The following UNC5D variants were observed in gnomAD, a reference collection of about 807,000 sequenced individuals.
UNC5D encodes the protein netrin receptor UNC5D.
A neutral mutation model predicts 105.4 loss-of-function variants in UNC5D; 39 were observed. The observed-to-expected ratio is 0.37, with a 90% CI of 0.29 to 0.48. The LOEUF is 0.48. Among genes scored for constraint, UNC5D ranks in the 20% least tolerant of loss-of-function variants. The probability of loss-of-function intolerance (pLI) is 0.98; values close to 1 mark genes in which losing one functional copy is unlikely to be tolerated. For missense variants in UNC5D, 991 were observed against 1,202.4 expected, an observed-to-expected ratio of 0.82 and a Z score of 2.60; for synonymous variants, 452 against 450.4, an observed-to-expected ratio of 1.00 and a Z score of -0.04.
intron 4 of UNC5D, among the ~76,000 whole-genome samples, chr8:35,648,393 C>T (rs1823187798): frequency 6.6e-6 from 1 of 151,968 alleles, no homozygotes; most frequent in African/African-American, 2.4e-5. Context: ...AAAGCATTAT[C>T]TCTGGCAGTA....
intron 1 of UNC5D, among the ~76,000 whole-genome samples, chr8:35,487,671 A>G (rs548485310): frequency 6.6e-6 from 1 of 152,242 alleles, no homozygotes; most frequent in South Asian, 2.1e-4. Flanking sequence ...CAATGCTGCT[A>G]TAACAAATAC....
intron 1 of UNC5D, among the ~76,000 whole-genome samples, chr8:35,380,700 G>C (rs1268817983): frequency 6.6e-6 from 1 of 152,112 alleles, no homozygotes; most frequent in Non-Finnish European, 1.5e-5. Context: ...GAATTTAGAT[G>C]ATAGAGGGTG....
intron 1 of UNC5D, among the ~76,000 whole-genome samples, chr8:35,548,807 G>A (rs1815888273): frequency 6.6e-6 from 1 of 152,208 alleles, no homozygotes; most frequent in Admixed American, 6.5e-5. Context: ...GGTAAAGAAA[G>A]CAGACCATTT....
intron 1 of UNC5D, chr8:35,525,421 G>C: frequency 6.2e-7 from 1 of 1,612,192 alleles, no homozygotes; most frequent in Non-Finnish European, 8.5e-7. Flanking sequence ...TGGAAGAGCT[G>C]CTGGCCCTCT....
chr8:35,252,311 A>G (rs1201247499), intron 1 of UNC5D, among the ~76,000 whole-genome samples: 1 of 152,116 alleles, frequency 6.6e-6, no homozygotes, highest in Non-Finnish European at 1.5e-5. Flanking sequence ...ACTTACCACT[A>G]TACTTAGAAG....
chr8:35,684,629 C>T lies in UNC5D; in HGVS notation c.799C>T (p.Arg267Cys), dbSNP rs749642014. The T allele has an allele frequency of 3.2e-5, 51 of 1,613,498 alleles. No homozygotes were observed. The highest frequency in any genetic ancestry group is 4.2e-5 in the Non-Finnish European group (50 of 1,179,940). The change falls in exon 6 of 17, where the codon CGC becomes TGC. Residue 267 changes from arginine (R) to cysteine (C), a missense_variant. Transcript: ENST00000404895. ...SWTEWSACNV[R>C]CGRGWQKRSR... Reference sequence around the variant, plus strand: ...GACAGAGTGGTCAGCCTGCAATGTTCGCTGTGGTAGAGGATGGCAGAAACG... The same window carrying T: ...GACAGAGTGGTCAGCCTGCAATGTTTGCTGTGGTAGAGGATGGCAGAAACG...
At chr8:35,467,948 A>C (rs1036505669) in intron 1 of UNC5D, among the ~76,000 whole-genome samples, 7 of 152,238 alleles carry the variant, frequency 4.6e-5, no homozygotes, top group African/African-American at 9.6e-5. Flanking sequence ...CTGTGATCTT[A>C]TCAAAAGGAT....
At chr8:35,612,483 G>A (rs1820745701) in intron 4 of UNC5D, among the ~76,000 whole-genome samples, 1 of 152,054 alleles carries the variant, frequency 6.6e-6, no homozygotes, top group African/African-American at 2.4e-5. Context: ...TGGAAATGAA[G>A]GCTTTTGAGA....
chr8:35,462,419 T>G (rs1808968457), intron 1 of UNC5D, among the ~76,000 whole-genome samples: 1 of 152,160 alleles, frequency 6.6e-6, no homozygotes, highest in South Asian at 2.1e-4. Context: ...CAATATTATT[T>G]AAGAATTTAG....
chr8:35,467,011 G>T (rs947814576), intron 1 of UNC5D, among the ~76,000 whole-genome samples: 1 of 152,138 alleles, frequency 6.6e-6, no homozygotes, highest in Admixed American at 6.6e-5. Flanking sequence ...TAAAGTCTAG[G>T]ATGCTGTCTC....
At chr8:35,775,748 A>G (rs2131745855) in intron 16 of UNC5D, among the ~76,000 whole-genome samples, 1 of 152,130 alleles carries the variant, frequency 6.6e-6, no homozygotes, top group South Asian at 2.1e-4. Context: ...CCAAGAAGGG[A>G]TGGAGTGCTG....
intron 4 of UNC5D, among the ~76,000 whole-genome samples, chr8:35,630,652 AC>A (rs1430257355): frequency 6.6e-6 from 1 of 152,226 alleles, no homozygotes; most frequent in African/African-American, 2.4e-5. Flanking sequence ...TTAGGGCCGT[AC>A]ATACCCTCCA....
At chr8:35,643,058 T>A (rs1822846376) in intron 4 of UNC5D, among the ~76,000 whole-genome samples, 1 of 152,124 alleles carries the variant, frequency 6.6e-6, no homozygotes, top group African/African-American at 2.4e-5. Context: ...ATAGGAGAAG[T>A]GAGAGTTACT....
intron 1 of UNC5D, among the ~76,000 whole-genome samples, chr8:35,293,803 G>T (rs1251867728): frequency 2.6e-5 from 4 of 152,124 alleles, no homozygotes; most frequent in African/African-American, 9.7e-5. Flanking sequence ...CTCAATTGGG[G>T]CTCTCCCAAT....
intron 4 of UNC5D, among the ~76,000 whole-genome samples, chr8:35,657,078 GTGTATATA>G (rs1473924306): frequency 1.9e-3 from 156 of 80,524 alleles, no homozygotes; most frequent in African/African-American, 3.6e-3. Flanking sequence ...GTGTGTGTGT[GTGTATATA>G]TATATATATA....
At chr8:35,487,414 T>C (rs1260726630) in intron 1 of UNC5D, among the ~76,000 whole-genome samples, 2 of 152,140 alleles carry the variant, frequency 1.3e-5, no homozygotes, top group Non-Finnish European at 2.9e-5. Context: ...CAAGCAGGAA[T>C]TCTGCCAGCT....
chr8:35,561,512 C>T (rs1022961985), intron 2 of UNC5D, among the ~76,000 whole-genome samples: 1 of 151,322 alleles, frequency 6.6e-6, no homozygotes, highest in African/African-American at 2.5e-5. Flanking sequence ...TCTTAAAATA[C>T]TTTATTGAAA....
At chr8:35,670,232 C>T (rs963582702) in intron 4 of UNC5D, among the ~76,000 whole-genome samples, 1 of 152,078 alleles carries the variant, frequency 6.6e-6, no homozygotes, top group East Asian at 1.9e-4. Context: ...CTTGAAAATC[C>T]TTAATGACCT....
chr8:35,470,493 C>T (rs914463662), intron 1 of UNC5D, among the ~76,000 whole-genome samples: 6 of 151,276 alleles, frequency 4.0e-5, no homozygotes, highest in Middle Eastern at 3.4e-3. Flanking sequence ...TGCTGACTCA[C>T]GCCTGTAATC....
Sources: gnomAD v4.1 joint callset for allele counts (sites outside exome capture counted in the v4.1 genomes callset) on GRCh38, gnomAD v4.1.1 for gene constraint, MANE v1.5 for transcripts, NCBI Gene and HGNC (gene_info 2026-07-23, HGNC 2026-07-21) for gene names.